DERA: variants seen among roughly 807,000 people sequenced by gnomAD.
DERA encodes 2-deoxy-D-ribose 5-phosphate aldolase.
In DERA, 15 loss-of-function variants were observed where a neutral mutation model predicts 41.1. The observed-to-expected ratio is 0.37, with a 90% CI of 0.24 to 0.56. The LOEUF (loss-of-function observed/expected upper bound fraction) is 0.56, where lower values mean the gene tolerates loss of function less well. DERA is among the 20% of genes least tolerant of loss of function. The pLI, the probability that DERA is intolerant of heterozygous loss-of-function variation, is 0.81. For missense variants in DERA, 396 were observed against 403.4 expected (o/e 0.98, Z 0.16); for synonymous variants, 139 against 137.4 (o/e 1.01, Z -0.08).
intron 5 of DERA, among the ~76,000 whole-genome samples, chr12:15,971,454 A>G (rs1948658908): frequency 6.6e-6 from 1 of 151,782 alleles, no homozygotes; most frequent in Non-Finnish European, 1.5e-5. Flanking sequence ...CCCACACATA[A>G]GACAGGGATG....
chr12:15,911,847 T>C lies in DERA; in HGVS notation c.31+433T>C. 1 of 451,650 alleles carries C rather than the reference T, an allele frequency of 2.2e-6. No homozygotes were observed. The highest frequency in any genetic ancestry group is 4.4e-6 in the Non-Finnish European group (1 of 225,468). 28.0% of individuals were successfully genotyped at this position (451,650 alleles called of 1,614,324 possible). On this transcript the variant is annotated intron_variant, in intron 1 of 8. Coordinates refer to ENST00000428559, the MANE Select transcript of DERA (RefSeq NM_015954.4). This position sits in a 1 kb window ranked among gnomAD's most constrained non-coding sequence, Gnocchi z 4.5. ...TCCGTAGATAATTTTAACCGTAACC[T>C]TGAAGTGGCCGTGCTCGTGGAAAAG...
intron 1 of DERA, among the ~76,000 whole-genome samples, chr12:15,949,383 C>A (rs948021492): frequency 5.9e-5 from 9 of 152,156 alleles, no homozygotes; most frequent in Non-Finnish European, 1.0e-4. Context: ...TTTACCTATT[C>A]AGGCCTCAGC....
At chr12:15,912,036 T>TA (rs1948167930) in intron 1 of DERA, among the ~76,000 whole-genome samples, 1 of 148,478 alleles carries the variant, frequency 6.7e-6, no homozygotes, top group Non-Finnish European at 1.5e-5. Context: ...TTTTTTTTTT[T>TA]ATTGATCATT....
chr12:15,985,922 G>C lies in DERA; in HGVS notation c.637+3486G>C, dbSNP rs1335222242. Among the ~76,000 whole-genome samples the C allele has an allele frequency of 6.6e-6, 1 of 152,034 alleles. No homozygotes were observed. Among genetic ancestry groups the C allele is most frequent in the Non-Finnish European group, 1.5e-5 (1 of 67,980 alleles). ...AGTTTTGTTTTCTTTTTGGTCTACT[G>C]GTTCTGTTTATTACTAAGAGAGTGT... is the stretch of plus-strand genomic sequence containing the variant. On this transcript the variant is annotated intron_variant, in intron 6 of 8. Transcript: ENST00000428559. The surrounding 1 kb of genome is among the most constrained non-coding windows in gnomAD (Gnocchi z 4.2).
intron 1 of DERA, among the ~76,000 whole-genome samples, chr12:15,956,069 CA>C (rs1565594978): frequency 6.6e-6 from 1 of 152,224 alleles, no homozygotes; most frequent in Non-Finnish European, 1.5e-5. Context: ...GGATGTTAGA[CA>C]CCCAAAGATG....
At chr12:15,962,749 C>G (rs186261247) in intron 4 of DERA, 64 bp from the exon 5 acceptor site, 40 of 1,426,774 alleles carry the variant, frequency 2.8e-5, no homozygotes, top group South Asian at 9.6e-5. Flanking sequence ...TCCCCTCCCC[C>G]CCTTGCTTAC....
At chr12:15,933,420 TTTA>T (rs1204771915) in intron 1 of DERA, among the ~76,000 whole-genome samples, 3 of 152,220 alleles carry the variant, frequency 2.0e-5, no homozygotes, top group Non-Finnish European at 4.4e-5. Flanking sequence ...CATTTCCTAT[TTTA>T]TTAAATTAAT....
chr12:16,031,431 A>T (rs892093991), intron 6 of DERA, among the ~76,000 whole-genome samples: 6 of 152,224 alleles, frequency 3.9e-5, no homozygotes, highest in Non-Finnish European at 7.3e-5. Flanking sequence ...GTATGGTGCC[A>T]CAGATTCCAT....
intron 1 of DERA, among the ~76,000 whole-genome samples, chr12:15,912,254 C>T (rs970419426): frequency 1.3e-5 from 2 of 152,048 alleles, no homozygotes; most frequent in Non-Finnish European, 2.9e-5. Flanking sequence ...ATCTGTTTAA[C>T]AAAGCACATC....
At position 16,036,694 on chromosome 12, in the gene DERA, A is replaced by G. The variant is rs1949131206; in HGVS notation, c.905A>G (p.Tyr302Cys). 1 of 1,602,464 alleles carries G rather than the reference A, an allele frequency of 6.2e-7. No homozygotes were observed. The highest frequency in any genetic ancestry group is 1.7e-5 in the Admixed American group (1 of 58,028). ...TLLSDIERQI[Y>C]HHVTGRYAAY... ...AAACTCTGCTTTTCCTCACAGATTT[A>G]CCATCATGTGACTGGAAGATATGCA... Residue 302 changes from tyrosine to cysteine, a missense_variant, in exon 9 of 9, where the codon TAC becomes TGC. By Grantham distance (194) the Tyr-to-Cys change is radical. Coordinates refer to ENST00000428559, the MANE Select transcript of DERA (RefSeq NM_015954.4). The surrounding 1 kb of genome is among the most constrained non-coding windows in gnomAD (Gnocchi z 4.9).
rs1948567835 is a variant in DERA, at chr12:15,959,613, G to T, written c.278-216G>T. 6.6e-6 allele frequency among the ~76,000 whole-genome samples: 1 copy of T among 152,114 alleles called. No homozygotes were observed. The highest frequency in any genetic ancestry group is 1.5e-5 in the Non-Finnish European group (1 of 68,018). On this transcript the variant is annotated intron_variant, in intron 3 of 8. Coordinates refer to ENST00000428559, the MANE Select transcript of DERA (RefSeq NM_015954.4). This position sits in a 1 kb window ranked among gnomAD's most constrained non-coding sequence, Gnocchi z 4.5. ...TCTCAAAGATGAGTATATCAAACTT[G>T]TTTTTATGACTTTAACGATAAGAAA...
Position 15,911,396 on chromosome 12 carries a change from A to G in DERA, c.13A>G (p.Asn5Asp). ...AGCTGCCCGCGCCATGTCCGCGCAC[A>G]ATCGGGGCACCGAGCTCGGTAAGGG... is the stretch of plus-strand genomic sequence containing the variant. MSAHNRGTELDLSWI... is the reference protein window; with the variant it reads MSAHDRGTELDLSWI... The change falls in exon 1 of 9, where the codon AAT becomes GAT. Residue 5 changes from asparagine (N) to aspartate (D), a missense_variant. Physicochemically the swap from Asn to Asp is conservative, Grantham distance 23 (BLOSUM62 1). Transcript: ENST00000428559. The surrounding 1 kb of genome is among the most constrained non-coding windows in gnomAD (Gnocchi z 4.5). The G allele has an allele frequency of 4.3e-6, 6 of 1,404,840 alleles. No individual in the cohort carries two copies. The highest frequency in any genetic ancestry group is 5.5e-6 in the Non-Finnish European group (6 of 1,091,500). 87.0% of individuals were successfully genotyped at this position (1,404,840 alleles called of 1,614,324 possible).
At chr12:15,955,986 G>A (rs1176507402) in intron 1 of DERA, among the ~76,000 whole-genome samples, 1 of 152,176 alleles carries the variant, frequency 6.6e-6, no homozygotes, top group Admixed American at 6.5e-5. Context: ...GTTCATGTCC[G>A]ATTTACCGTG....
chr12:15,971,145 A>C (rs1471313670), intron 5 of DERA, among the ~76,000 whole-genome samples: 11 of 152,362 alleles, frequency 7.2e-5, no homozygotes. Context: ...GAAATTGTTC[A>C]GATGACATAA....
At chr12:16,006,559 T>C (rs1405736109) in intron 6 of DERA, among the ~76,000 whole-genome samples, 1 of 152,178 alleles carries the variant, frequency 6.6e-6, no homozygotes, top group African/African-American at 2.4e-5. Context: ...GACAGAAACC[T>C]CATTCATTTC....
rs1948268970 is a variant in DERA at position 15,924,631 on chromosome 12, T to TA, written c.31+13218dup. ...GGACCTAATGGCTACCTGGTAGAGT[T>TA]AGTGAGACTATTAAGTGAGATATAT... On this transcript the variant is annotated intron_variant, in intron 1 of 8. Coordinates refer to ENST00000428559, the MANE Select transcript of DERA (RefSeq NM_015954.4). This position sits in a 1 kb window ranked among gnomAD's most constrained non-coding sequence, Gnocchi z 5.0. Among the ~76,000 whole-genome samples, 1 of 152,210 alleles carries TA rather than the reference T, an allele frequency of 6.6e-6. No individual in the cohort carries two copies. The highest frequency in any genetic ancestry group is 6.5e-5 in the Admixed American group (1 of 15,280).
In DERA at chr12:15,928,435, A is replaced by G. The variant is rs1417479992; in HGVS notation, c.31+17021A>G. Among the ~76,000 whole-genome samples the G allele has an allele frequency of 6.6e-6, 1 of 152,150 alleles. No individual in the cohort carries two copies. The highest frequency in any genetic ancestry group is 6.5e-5 in the Admixed American group (1 of 15,276). ...ACAGAAAGGATTACTTTAAATTTCA[A>G]CTCTTTCTGTATTTGCATTTTGGAC... is the stretch of plus-strand genomic sequence containing the variant. On this transcript the variant is annotated intron_variant, in intron 1 of 8. Transcript: ENST00000428559. The surrounding 1 kb of genome is among the most constrained non-coding windows in gnomAD (Gnocchi z 4.6).
intron 5 of DERA, among the ~76,000 whole-genome samples, chr12:15,963,677 A>G (rs1010422860): frequency 6.6e-6 from 1 of 152,202 alleles, no homozygotes; most frequent in African/African-American, 2.4e-5. Context: ...AAAAATTTTT[A>G]ATGAAATCAC....
chr12:15,955,961 T>C (rs1948535005), intron 1 of DERA, among the ~76,000 whole-genome samples: 1 of 152,218 alleles, frequency 6.6e-6, no homozygotes. Flanking sequence ...AGGTTAGTTA[T>C]AGAAGGTAAA....
Sources: allele counts gnomAD v4.1 joint callset (sites outside exome capture counted in the v4.1 genomes callset), GRCh38; gene constraint gnomAD v4.1.1; non-coding constraint Gnocchi (gnomAD v3.1); transcripts MANE v1.5; gene names NCBI Gene and HGNC (gene_info 2026-07-23, HGNC 2026-07-21).